Variants in LNPK observed in about 807,000 individuals in gnomAD.
The protein encoded by LNPK is endoplasmic reticulum junction formation protein lunapark.
Under a neutral mutation model 55.2 loss-of-function variants are expected in LNPK, and 29 were observed. That is an observed-to-expected ratio of 0.53 (90% CI 0.39 to 0.72). The LOEUF (loss-of-function observed/expected upper bound fraction) is 0.72. Among genes scored for constraint, LNPK ranks in the 30% least tolerant of loss-of-function variants. The pLI is 0.00. For missense variants in LNPK, 467 were observed against 494.8 expected (o/e 0.94, Z 0.53); for synonymous variants, 162 against 168.2 (o/e 0.96, Z 0.29).
At chr2:175,993,467 T>C (rs890050440) in intron 2 of LNPK, among the ~76,000 whole-genome samples, 1 of 152,252 alleles carries the variant, frequency 6.6e-6, no homozygotes, top group Non-Finnish European at 1.5e-5. Context: ...CTTTTAATTC[T>C]GATAGCTCAA....
chr2:175,971,061 A>G (rs1458777864), intron 5 of LNPK, among the ~76,000 whole-genome samples: 1 of 152,134 alleles, frequency 6.6e-6, no homozygotes, highest in Non-Finnish European at 1.5e-5. Flanking sequence ...ATTGAAATAT[A>G]TACAAATACT....
chr2:175,985,514 T>A (rs1010273145), intron 4 of LNPK, among the ~76,000 whole-genome samples: 3 of 152,240 alleles, frequency 2.0e-5, no homozygotes, highest in African/African-American at 7.2e-5. Context: ...ACATTCACTT[T>A]GGGTCAGTTA....
chr2:175,995,113 G>A (rs1026037708), intron 2 of LNPK, among the ~76,000 whole-genome samples: 30 of 151,662 alleles, frequency 2.0e-4, no homozygotes, highest in Admixed American at 1.6e-3. Flanking sequence ...GTAGAGACGG[G>A]GTTTCACCAT....
At chr2:175,988,970 T>C (rs577630329) in intron 4 of LNPK, among the ~76,000 whole-genome samples, 1 of 152,112 alleles carries the variant, frequency 6.6e-6, no homozygotes, top group South Asian at 2.1e-4. Context: ...AGAGATGGGG[T>C]TTTACCGTGT....
intron 4 of LNPK, 34 bp downstream of exon 4, chr2:175,992,197 A>G (rs959051247): frequency 7.1e-7 from 1 of 1,404,602 alleles, no homozygotes; most frequent in African/African-American, 1.5e-5. Context: ...TAGTCAGAAA[A>G]GGAAAAGATC....
intron 4 of LNPK, among the ~76,000 whole-genome samples, chr2:175,987,401 T>C (rs1008615407): frequency 2.6e-5 from 4 of 152,162 alleles, no homozygotes; most frequent in African/African-American, 4.8e-5. Context: ...GAAACCATCA[T>C]TCTTAGCAAA....
chr2:176,002,036 G>T, intron 1 of LNPK, 124 bp downstream of exon 1: 1 of 322,402 alleles, frequency 3.1e-6, no homozygotes, highest in Non-Finnish European at 6.0e-6. Flanking sequence ...TAGGCCACTT[G>T]GCAGGAGGCG....
At chr2:175,983,935 TA>T (rs201129217) in intron 4 of LNPK, among the ~76,000 whole-genome samples, 162 of 142,570 alleles carry the variant, frequency 1.1e-3, no homozygotes, top group Middle Eastern at 3.8e-3. Context: ...AATTAAATGT[TA>T]AAAAAAAAAA....
At chr2:175,932,078 T>C (rs935366971) in intron 12 of LNPK, 5 of 430,728 alleles carry the variant, frequency 1.2e-5, no homozygotes, top group African/African-American at 4.1e-5. Context: ...GAATCCAGGA[T>C]GTAACTCACC....
At chr2:175,981,463 T>C (rs926063534) in intron 4 of LNPK, among the ~76,000 whole-genome samples, 1 of 152,132 alleles carries the variant, frequency 6.6e-6, no homozygotes, top group South Asian at 2.1e-4. Context: ...ACACCAGATA[T>C]CTTATTGGGA....
intron 5 of LNPK, among the ~76,000 whole-genome samples, chr2:175,973,449 C>G (rs1686751294): frequency 2.0e-5 from 3 of 152,140 alleles, no homozygotes; most frequent in Admixed American, 2.0e-4. Flanking sequence ...CTGTGAAGTA[C>G]CTGTTGTTGA....
Position 175,995,579 on chromosome 2 carries a change from A to G in LNPK, c.6T>C (p.Gly2=). The G allele has an allele frequency of 6.2e-7, 1 of 1,610,322 alleles. No individual in the cohort carries two copies. The highest frequency in any genetic ancestry group is 8.5e-7 in the Non-Finnish European group (1 of 1,177,074). The change falls in exon 2 of 13, where the codon GGT becomes GGC. Residue 2 remains glycine (G), a synonymous_variant. Transcript: ENST00000272748. The part of the protein sequence containing the change: M[G]GLFSRWRTKP... The stretch of plus-strand genomic sequence containing the variant: ...TTACCCTCCATCGAGAAAATAATCC[A>G]CCCATCTTTTATTTGTAGAAACTGG...
chr2:175,984,421 G>A (rs377361175), intron 4 of LNPK, among the ~76,000 whole-genome samples: 20 of 152,004 alleles, frequency 1.3e-4, no homozygotes, highest in African/African-American at 4.3e-4. Flanking sequence ...TGATCTGCCC[G>A]CCTCAGTCTC....
intron 4 of LNPK, among the ~76,000 whole-genome samples, chr2:175,991,426 C>T (rs779398102): frequency 6.6e-6 from 1 of 152,114 alleles, no homozygotes; most frequent in Non-Finnish European, 1.5e-5. Context: ...TAGCTACATA[C>T]GAACTTATAA....
chr2:175,968,529 GT>G (rs1182064584), intron 6 of LNPK, among the ~76,000 whole-genome samples: 1 of 152,126 alleles, frequency 6.6e-6, no homozygotes, highest in East Asian at 1.9e-4. Flanking sequence ...AAAAACTCAA[GT>G]TTTGTTAAAG....
intron 5 of LNPK, among the ~76,000 whole-genome samples, chr2:175,971,380 C>G (rs998523312): frequency 3.3e-5 from 5 of 152,086 alleles, no homozygotes; most frequent in African/African-American, 1.2e-4. Flanking sequence ...CATGGTGGAA[C>G]AGAAAGAATC....
intron 5 of LNPK, among the ~76,000 whole-genome samples, chr2:175,978,323 C>T (rs1335145872): frequency 6.6e-6 from 1 of 152,030 alleles, no homozygotes; most frequent in African/African-American, 2.4e-5. Context: ...CACTTTTATT[C>T]TCGGAGGGTA....
chr2:175,961,397 C>T (rs922164852), intron 8 of LNPK, among the ~76,000 whole-genome samples: 2 of 152,176 alleles, frequency 1.3e-5, no homozygotes, highest in Admixed American at 6.5e-5. Context: ...GCTGGTTCAA[C>T]ATATGCAAAT....
intron 4 of LNPK, among the ~76,000 whole-genome samples, chr2:175,988,562 T>C (rs1458710924): frequency 6.6e-6 from 1 of 151,430 alleles, no homozygotes; most frequent in Non-Finnish European, 1.5e-5. Flanking sequence ...TATACAGGTC[T>C]TAATATTTAT....
Sources: gnomAD v4.1 joint callset for allele counts (sites outside exome capture counted in the v4.1 genomes callset) on GRCh38, gnomAD v4.1.1 for gene constraint, MANE v1.5 for transcripts, NCBI Gene and HGNC (gene_info 2026-07-23, HGNC 2026-07-21) for gene names.